TRA2B: variants seen among roughly 807,000 people sequenced by gnomAD.
TRA2B encodes transformer-2 protein homolog beta.
Under a neutral mutation model 41.7 loss-of-function variants are expected in TRA2B, and 14 were observed. The ratio of observed to expected loss-of-function variants is 0.34; its 90% CI spans 0.22 to 0.53. The LOEUF (loss-of-function observed/expected upper bound fraction) is 0.53, where lower values mean the gene tolerates loss of function less well. Ranked by LOEUF, TRA2B falls within the 20% of genes least tolerant of loss-of-function variation. TRA2B has a pLI of 0.95. For missense variants in TRA2B, 167 were observed against 396.8 expected, an observed-to-expected ratio of 0.42 and a Z score of 4.92; for synonymous variants, 130 against 128.8, an observed-to-expected ratio of 1.01 and a Z score of -0.06.
intron 1 of TRA2B, chr3:185,928,622 T>A (rs1049348358): frequency 6.6e-6 from 1 of 152,158 alleles, no homozygotes; most frequent in African/African-American, 2.4e-5. Context: ...AAAATTAACA[T>A]AGGTGAGAAT....
At position 185,926,910 on chromosome 3, in the gene TRA2B, T is replaced by G; in HGVS notation, c.37-176A>C. The G allele has an allele frequency of 4.3e-6, 3 of 696,998 alleles. No homozygotes were observed. The South Asian group carries it at 6.1e-5, about 14-fold the overall frequency. The allele number at this position is 696,998 out of a possible 1,614,324, so 43.2% of individuals were successfully genotyped here. A position where few individuals can be genotyped will look rare whatever the true frequency, so the allele number is the denominator to read the frequency against. The stretch of plus-strand genomic sequence containing the variant: ...AATAGTTTCATTGCTCCAAATGACA[T>G]AAGTCAATTAACTTGTCCTTTCTTC... On this transcript the variant is annotated intron_variant, in intron 1 of 8. Coordinates refer to ENST00000453386, the MANE Select transcript of TRA2B (RefSeq NM_004593.3).
At chr3:185,927,414 AAGAGT>A (rs575964933) in intron 1 of TRA2B, 51 of 152,314 alleles carry the variant, frequency 3.3e-4, no homozygotes, top group African/African-American at 1.1e-3. Flanking sequence ...ACACACAAAT[AAGAGT>A]AGAGAGGGTG....
intron 6 of TRA2B, 29 bp from the exon 7 acceptor site, chr3:185,919,525 G>C (rs749897836): frequency 6.3e-7 from 1 of 1,586,068 alleles, no homozygotes; most frequent in African/African-American, 1.4e-5. Context: ...AACACAACAC[G>C]CATTCAGTTT....
rs1055083485 is a variant in TRA2B at position 185,914,912 on chromosome 3, A to C, written c.*2803T>G. ...CTGGGCCTTGCAGAATTGGAATCCT[A>C]GTCAATGGTGTAAGAGGGCTAAGAG... is the stretch of plus-strand genomic sequence containing the variant. On this transcript the variant is annotated 3_prime_UTR_variant, in exon 9 of 9. Coordinates refer to ENST00000453386, the MANE Select transcript of TRA2B (RefSeq NM_004593.3). 6.6e-6 allele frequency among the ~76,000 whole-genome samples: 1 copy of C among 152,150 alleles called. No individual in the cohort carries two copies. The highest frequency in any genetic ancestry group is 6.5e-5 in the Admixed American group (1 of 15,278).
chr3:185,921,509 A>G (rs1389877218), intron 5 of TRA2B, among the ~76,000 whole-genome samples: 2 of 152,248 alleles, frequency 1.3e-5, no homozygotes, highest in Non-Finnish European at 2.9e-5. Flanking sequence ...TCACGCCTGT[A>G]ATCCCAGCTC....
At position 185,914,647 on chromosome 3, in the gene TRA2B, T is replaced by C. The variant is rs1208521556; in HGVS notation, c.*3068A>G. Among the ~76,000 whole-genome samples, 1 of 152,124 alleles carries C rather than the reference T, an allele frequency of 6.6e-6. No individual in the cohort carries two copies. Among genetic ancestry groups the C allele is most frequent in the Non-Finnish European group, 1.5e-5 (1 of 68,016 alleles). ...TATACAATAATCCTTTACATTACTG[T>C]AGTAGCATTCTGGCTTTTTGATGAC... On this transcript the variant is annotated 3_prime_UTR_variant, in exon 9 of 9. Transcript: ENST00000453386.
intron 8 of TRA2B, 78 bp downstream of exon 8, chr3:185,918,284 CATT>C: frequency 1.9e-6 from 2 of 1,036,896 alleles, no homozygotes; most frequent in Non-Finnish European, 2.9e-6. Flanking sequence ...GAAACCAATC[CATT>C]ATCTGATAAA....
At chr3:185,919,171 CA>C (rs34657946) in intron 7 of TRA2B, among the ~76,000 whole-genome samples, 5,241 of 139,898 alleles carry the variant, frequency 0.037, 277 homozygotes, top group African/African-American at 0.13. Flanking sequence ...AACATAATGA[CA>C]AAAAAAATGA....
At chr3:185,925,192 A>AC in intron 3 of TRA2B, 1 of 290,618 alleles carries the variant, frequency 3.4e-6, no homozygotes, top group South Asian at 5.4e-5. Context: ...CTAATACTAT[A>AC]CTACAGTATA....
chr3:185,925,654 T>C, intron 2 of TRA2B, 28 bp from the exon 3 acceptor site: 1 of 1,592,630 alleles, frequency 6.3e-7, no homozygotes, highest in Non-Finnish European at 8.5e-7. Flanking sequence ...CCTAAGGTTA[T>C]GACTGAAAAC....
At chr3:185,935,463 C>T (rs1022022381) in intron 1 of TRA2B, 4 of 985,188 alleles carry the variant, frequency 4.1e-6, no homozygotes, top group Non-Finnish European at 4.8e-6. Flanking sequence ...ATAATTTATC[C>T]CACACACCCA....
In TRA2B at chr3:185,919,501, G is replaced by A; in HGVS notation, c.723-5C>T. On this transcript the variant is annotated splice_region_variant and splice_polypyrimidine_tract_variant and intron_variant, in intron 6 of 8. Coordinates refer to ENST00000453386, the MANE Select transcript of TRA2B (RefSeq NM_004593.3). ...CCTCCTCCTCCACCTCCTCCTCTGT[G>A]AAGACAGAAAGGCAACACAACACGC... 6.2e-7 allele frequency: 1 copy of A among 1,611,298 alleles called. No homozygotes were observed. Among genetic ancestry groups the A allele is most frequent in the Non-Finnish European group, 8.5e-7 (1 of 1,179,050 alleles).
intron 1 of TRA2B, 121 bp downstream of exon 1, chr3:185,937,704 C>A: frequency 7.1e-7 from 1 of 1,407,882 alleles, no homozygotes. Context: ...CTTGCCTGCC[C>A]TCCCGGCTTC....
intron 1 of TRA2B, chr3:185,931,991 C>CA (rs1744166031): frequency 3.5e-6 from 2 of 574,436 alleles, no homozygotes; most frequent in African/African-American, 2.0e-5. Context: ...ATATGCAGCT[C>CA]AAAAAACTGA....
intron 1 of TRA2B, chr3:185,935,481 A>T (rs1744314572): frequency 1.0e-6 from 1 of 985,280 alleles, no homozygotes; most frequent in African/African-American, 1.7e-5. Context: ...CCAACCTTAA[A>T]GGGGAGGGAC....
At chr3:185,929,245 T>C (rs187977585) in intron 1 of TRA2B, among the ~76,000 whole-genome samples, 4 of 152,306 alleles carry the variant, frequency 2.6e-5, no homozygotes, top group Admixed American at 1.3e-4. Context: ...GGGAAATACA[T>C]ATGGCAAGGG....
rs1199162276 is a variant in TRA2B at position 185,937,903 on chromosome 3, C to T, written c.-43G>A. On this transcript the variant is annotated 5_prime_UTR_variant, in exon 1 of 9. Transcript: ENST00000453386. ...GCCGGTCGATGTGCTTCAATCGAAG[C>T]TGCCAACCTCTTGCACCTTCCTTAA... The T allele has an allele frequency of 6.2e-7, 1 of 1,612,120 alleles. No homozygotes were observed. Among genetic ancestry groups the T allele is most frequent in the African/African-American group, 1.3e-5 (1 of 74,920 alleles).
At chr3:185,929,307 A>T (rs1216772235) in intron 1 of TRA2B, among the ~76,000 whole-genome samples, 1 of 152,186 alleles carries the variant, frequency 6.6e-6, no homozygotes, top group African/African-American at 2.4e-5. Flanking sequence ...CCAAATCAAA[A>T]GCATAATTAA....
chr3:185,930,953 T>C (rs887027236), intron 1 of TRA2B, among the ~76,000 whole-genome samples: 7 of 152,218 alleles, frequency 4.6e-5, no homozygotes, highest in African/African-American at 9.6e-5. Flanking sequence ...TCAGCTGAAA[T>C]AGGCATTAAA....
Sources: allele counts gnomAD v4.1 joint callset (sites outside exome capture counted in the v4.1 genomes callset), GRCh38; gene constraint gnomAD v4.1.1; transcripts MANE v1.5; gene names NCBI Gene and HGNC (gene_info 2026-07-23, HGNC 2026-07-21).